Variants in CCDC171 observed in about 807,000 individuals in gnomAD.
The protein encoded by CCDC171 is coiled-coil domain-containing protein 171.
CCDC171 carries 177 observed loss-of-function variants against 168.2 expected under a neutral mutation model. The observed-to-expected ratio is 1.05, with a 90% CI of 0.93 to 1.19. The LOEUF (loss-of-function observed/expected upper bound fraction) is 1.19, where lower values mean the gene tolerates loss of function less well. Ranked by LOEUF, CCDC171 falls within the 50% of genes most tolerant of loss-of-function variation. The probability of loss-of-function intolerance (pLI) is 0.00; values close to 1 mark genes in which losing one functional copy is unlikely to be tolerated. For missense variants in CCDC171, 1,991 were observed against 1,539.0 expected (o/e 1.29, Z -4.91); for synonymous variants, 687 against 540.8 (o/e 1.27, Z -3.75).
At chr9:15,858,603 T>C (rs1434915937) in intron 23 of CCDC171, among the ~76,000 whole-genome samples, 2 of 152,076 alleles carry the variant, frequency 1.3e-5, no homozygotes, top group African/African-American at 2.4e-5. Context: ...CAATATTTTA[T>C]ACTTTTTAGT....
chr9:15,828,104 T>A (rs16933655), intron 21 of CCDC171, among the ~76,000 whole-genome samples: 18 of 152,148 alleles, frequency 1.2e-4, no homozygotes, highest in Non-Finnish European at 4.4e-5. Context: ...AACAAAGAGA[T>A]AGGGCAGGGG....
At chr9:15,634,151 T>A (rs2046001902) in intron 7 of CCDC171, among the ~76,000 whole-genome samples, 1 of 152,036 alleles carries the variant, frequency 6.6e-6, no homozygotes, top group African/African-American at 2.4e-5. Context: ...ATTGTGTACA[T>A]GTACCCTAAA....
intron 4 of CCDC171, among the ~76,000 whole-genome samples, chr9:15,581,831 G>A (rs561026935): frequency 6.6e-6 from 1 of 152,086 alleles, no homozygotes; most frequent in Non-Finnish European, 1.5e-5. Context: ...AAAAACCCTA[G>A]TAGAAAACCT....
intron 8 of CCDC171, among the ~76,000 whole-genome samples, chr9:15,664,588 A>ACACACACACACACACT (rs1368494841): frequency 6.7e-6 from 1 of 150,096 alleles, no homozygotes; most frequent in Admixed American, 6.6e-5. Context: ...ACACACACAC[A>ACACACACACACACACT]CTCACACGAG....
intron 23 of CCDC171, among the ~76,000 whole-genome samples, chr9:15,867,182 G>C (rs981509296): frequency 5.9e-5 from 9 of 152,120 alleles, no homozygotes; most frequent in Admixed American, 3.9e-4. Context: ...TCTTAGAGTG[G>C]ATTGTGGAAT....
chr9:15,810,514 G>A (rs1461325859), intron 21 of CCDC171, among the ~76,000 whole-genome samples: 2 of 152,124 alleles, frequency 1.3e-5, no homozygotes, highest in Admixed American at 6.5e-5. Context: ...GTGGGGCTCG[G>A]GCATGGCGGG....
intron 3 of CCDC171, among the ~76,000 whole-genome samples, chr9:15,989,372 T>C (rs1197181478): frequency 6.6e-6 from 1 of 152,154 alleles, no homozygotes; most frequent in African/African-American, 2.4e-5. Flanking sequence ...GGGTCCTGAC[T>C]GTTAGAAGGA....
intron 18 of CCDC171, among the ~76,000 whole-genome samples, chr9:15,768,344 T>C (rs1445207890): frequency 7.2e-5 from 11 of 152,184 alleles, no homozygotes; most frequent in Admixed American, 7.2e-4. Context: ...TAACATACTT[T>C]TATTCTTACT....
At chr9:16,018,686 G>GCTGTGCTCCAACACAGTGGCC (rs1364299343) in intron 3 of CCDC171, among the ~76,000 whole-genome samples, 1 of 152,228 alleles carries the variant, frequency 6.6e-6, no homozygotes, top group Admixed American at 6.5e-5. Flanking sequence ...ACCCAGTGGA[G>GCTGTGCTCCAACACAGTGGCC]CTGTGCTCCA....
Position 15,721,758 on chromosome 9 carries a change from T to A in CCDC171, c.1319-11T>A, listed in dbSNP as rs1245404289. 2 of 1,499,228 alleles carry A rather than the reference T, an allele frequency of 1.3e-6. No individual in the cohort carries two copies. 92.9% of individuals were successfully genotyped at this position (1,499,228 alleles called of 1,614,324 possible). On this transcript the variant is annotated splice_polypyrimidine_tract_variant and intron_variant, in intron 11 of 25. Coordinates refer to ENST00000380701, the MANE Select transcript of CCDC171 (RefSeq NM_173550.4). ...TTTAAGGGTATATTTTCATCCTATATTTTTCTCTAGGCATCCACAAGGACA... is the reference window on the plus strand; with the variant it reads ...TTTAAGGGTATATTTTCATCCTATAATTTTCTCTAGGCATCCACAAGGACA...
At position 15,788,405 on chromosome 9, in the gene CCDC171, T is replaced by A. The variant is rs904392639; in HGVS notation, c.3267+3711T>A. Among the ~76,000 whole-genome samples the A allele has an allele frequency of 5.9e-5, 9 of 152,192 alleles. 1 individual carries two copies. The highest frequency in any genetic ancestry group is 4.1e-4 in the South Asian group (2 of 4,828). On this transcript the variant is annotated intron_variant, in intron 21 of 25. Coordinates refer to ENST00000380701, the MANE Select transcript of CCDC171 (RefSeq NM_173550.4). ...AATGCTTTAAAAAATAGTTCTTTTT[T>A]AAATATGTCCTGTGCATAACTTCTT...
intron 3 of CCDC171, among the ~76,000 whole-genome samples, chr9:15,983,794 G>A (rs1324130805): frequency 7.4e-6 from 1 of 135,792 alleles, no homozygotes; most frequent in Non-Finnish European, 1.6e-5. Flanking sequence ...CCCAAGGTAG[G>A]GAGGCAAGAG....
chr9:15,630,719 A>G (rs1348388878), intron 7 of CCDC171, among the ~76,000 whole-genome samples: 1 of 152,218 alleles, frequency 6.6e-6, no homozygotes, highest in Non-Finnish European at 1.5e-5. Flanking sequence ...TCAACAGAAT[A>G]TACATTTTTT....
At chr9:15,773,322 A>G (rs2057112155) in intron 18 of CCDC171, among the ~76,000 whole-genome samples, 2 of 152,198 alleles carry the variant, frequency 1.3e-5, no homozygotes, top group South Asian at 4.1e-4. Context: ...TGCAGCTAAA[A>G]GTAGTGGAAC....
chr9:15,817,743 G>A lies in CCDC171; in HGVS notation c.3268-28959G>A, dbSNP rs951149769. Reference sequence around the variant, plus strand: ...CACCACAGCTCAAGGAGGACTGCCTGCCTCTGTAGGCTCTACCTCTGGGGG... The same window carrying A: ...CACCACAGCTCAAGGAGGACTGCCTACCTCTGTAGGCTCTACCTCTGGGGG... On this transcript the variant is annotated intron_variant, in intron 21 of 25. Transcript: ENST00000380701. 1.7e-5 allele frequency among the ~76,000 whole-genome samples: 2 copies of A among 118,834 alleles called. 1 individual carries two copies. Among genetic ancestry groups the A allele is most frequent in the Non-Finnish European group, 3.8e-5 (2 of 52,648 alleles). The allele number at this position is 118,834 out of a possible 152,430, so 78.0% of individuals were successfully genotyped here.
chr9:15,690,812 GATATA>G (rs772594674), intron 10 of CCDC171, among the ~76,000 whole-genome samples: 2 of 152,078 alleles, frequency 1.3e-5, no homozygotes, highest in Non-Finnish European at 2.9e-5. Context: ...AGAAATGAAT[GATATA>G]ATATAAAAAT....
At chr9:15,626,335 A>T (rs2132151437) in intron 7 of CCDC171, among the ~76,000 whole-genome samples, 1 of 152,310 alleles carries the variant, frequency 6.6e-6, no homozygotes, top group East Asian at 1.9e-4. Context: ...CCCTGGCCAG[A>T]ACTTCCAACA....
chr9:15,557,951 T>G (rs10738401), intron 1 of CCDC171, among the ~76,000 whole-genome samples: 62,656 of 151,706 alleles, frequency 0.41, 14,793 homozygotes, highest in East Asian at 0.83. Flanking sequence ...GCATGAAGTG[T>G]TGTTGAATTT....
the CCDC171 span, among the ~76,000 whole-genome samples, chr9:16,066,710 T>C: frequency 6.7e-6 from 1 of 148,336 alleles, no homozygotes. Flanking sequence ...GAATATGCGG[T>C]GTTTGGTTTT....
Sources: allele counts gnomAD v4.1 joint callset (sites outside exome capture counted in the v4.1 genomes callset), GRCh38; gene constraint gnomAD v4.1.1; transcripts MANE v1.5; gene names NCBI Gene and HGNC (gene_info 2026-07-23, HGNC 2026-07-21).